Variants in MGAT4A observed in about 807,000 individuals in gnomAD.
The protein encoded by MGAT4A is alpha-1,3-mannosyl-glycoprotein 4-beta-N-acetylglucosaminyltransferase A.
MGAT4A carries 33 observed loss-of-function variants against 74.1 expected under a neutral mutation model. The observed-to-expected ratio is 0.45, with a 90% CI of 0.34 to 0.60. The LOEUF (loss-of-function observed/expected upper bound fraction) is 0.60, where lower values mean the gene tolerates loss of function less well. Ranked by LOEUF, MGAT4A falls within the 20% of genes least tolerant of loss-of-function variation. MGAT4A has a pLI of 0.02. For missense variants in MGAT4A, 479 were observed against 628.3 expected (o/e 0.76, Z 2.54); for synonymous variants, 198 against 210.4 (o/e 0.94, Z 0.51).
chr2:98,727,645 C>G (rs537868624), intron 1 of MGAT4A, among the ~76,000 whole-genome samples: 3 of 152,108 alleles, frequency 2.0e-5, no homozygotes, highest in Non-Finnish European at 4.4e-5. Context: ...CGAAAAATGG[C>G]CAGCAGTTCC....
chr2:98,644,180 A>G, intron 9 of MGAT4A, 127 bp from the exon 10 acceptor site: 2 of 967,660 alleles, frequency 2.1e-6, no homozygotes, highest in Non-Finnish European at 2.9e-6. Context: ...ATCATAAACA[A>G]TTTCCCCACT....
intron 4 of MGAT4A, among the ~76,000 whole-genome samples, chr2:98,674,179 A>C (rs936898841): frequency 6.6e-6 from 1 of 152,240 alleles, no homozygotes; most frequent in Non-Finnish European, 1.5e-5. Flanking sequence ...CAAAATACTT[A>C]AGAATCCCAT....
chr2:98,621,174 T>C lies in MGAT4A; in HGVS notation c.*4392A>G, dbSNP rs1701056072. On this transcript the variant is annotated 3_prime_UTR_variant, in exon 16 of 16. Transcript: ENST00000393487. The stretch of plus-strand genomic sequence containing the variant: ...CCACTGATTTATTATCTCATAGTTC[T>C]GTAGGTCAGAAGTCCAAGCAGGCTT... The C allele has an allele frequency of 2.5e-6, 1 of 404,252 alleles. No homozygotes were observed. Among genetic ancestry groups the C allele is most frequent in the South Asian group, 7.0e-5 (1 of 14,294 alleles). 25.0% of individuals were successfully genotyped at this position (404,252 alleles called of 1,614,324 possible). A position where few individuals can be genotyped will look rare whatever the true frequency, so the allele number is the denominator to read the frequency against.
intron 4 of MGAT4A, among the ~76,000 whole-genome samples, chr2:98,668,955 T>C (rs1701874510): frequency 6.6e-6 from 1 of 152,242 alleles, no homozygotes; most frequent in Admixed American, 6.5e-5. Context: ...ATTTACCCAA[T>C]GCCCGTACCC....
At chr2:98,641,499 C>CA (rs1205460540) in intron 10 of MGAT4A, among the ~76,000 whole-genome samples, 29,772 of 75,306 alleles carry the variant, frequency 0.4, 4,601 homozygotes, top group South Asian at 0.45. Context: ...ACTAAAAATA[C>CA]AAAAAAAAAA....
rs1425203771 is a variant in MGAT4A at position 98,678,244 on chromosome 2, A to AT, written c.262+59_262+60insA. 1.6e-3 allele frequency: 605 copies of AT among 382,110 alleles called. 6 individuals carry two copies. The highest frequency in any genetic ancestry group is 0.014 in the African/African-American group (571 of 40,570). 23.7% of individuals were successfully genotyped at this position (382,110 alleles called of 1,614,324 possible). ...GACTCTGTCTCAAAGAAAAAAAAAA[A>AT]AAAAAATATATATATATATATATAA... On this transcript the variant is annotated intron_variant, in intron 3 of 15. Transcript: ENST00000393487.
At chr2:98,694,410 T>C (rs1702238492) in intron 2 of MGAT4A, 1 of 153,434 alleles carries the variant, frequency 6.5e-6, no homozygotes, top group Non-Finnish European at 1.5e-5. Context: ...TCTTGGAATT[T>C]TGGGATAAGT....
chr2:98,659,418 C>A (rs1420740389), intron 5 of MGAT4A, among the ~76,000 whole-genome samples: 1 of 152,110 alleles, frequency 6.6e-6, no homozygotes, highest in African/African-American at 2.4e-5. Flanking sequence ...GCCCAAGGGA[C>A]AACCAGGCCA....
At chr2:98,692,062 T>A (rs1480390214) in intron 2 of MGAT4A, among the ~76,000 whole-genome samples, 2 of 152,216 alleles carry the variant, frequency 1.3e-5, no homozygotes, top group African/African-American at 4.8e-5. Flanking sequence ...AGTTGAAATT[T>A]TTTTAAGTTA....
chr2:98,665,044 CA>C (rs1244798409), intron 4 of MGAT4A, among the ~76,000 whole-genome samples: 1 of 151,952 alleles, frequency 6.6e-6, no homozygotes, highest in Non-Finnish European at 1.5e-5. Context: ...ATTCTAATGC[CA>C]GGGGCTGGGT....
chr2:98,718,614 C>T (rs553411775), intron 2 of MGAT4A, among the ~76,000 whole-genome samples: 1 of 152,330 alleles, frequency 6.6e-6, no homozygotes, highest in Admixed American at 6.5e-5. Flanking sequence ...TGCTCTCCAG[C>T]TCCAAGCTGC....
At chr2:98,662,937 C>G in intron 5 of MGAT4A, 109 bp downstream of exon 5, 1 of 812,086 alleles carries the variant, frequency 1.2e-6, no homozygotes, top group Non-Finnish European at 1.8e-6. Flanking sequence ...AAGCTTTACT[C>G]ATCACATTTT....
chr2:98,688,038 C>T (rs1291102527), intron 2 of MGAT4A, among the ~76,000 whole-genome samples: 1 of 152,194 alleles, frequency 6.6e-6, no homozygotes, highest in African/African-American at 2.4e-5. Flanking sequence ...GATGATGAGA[C>T]AGGTGAGGAT....
Position 98,663,412 on chromosome 2 carries a change from T to C in MGAT4A, c.404-233A>G, listed in dbSNP as rs1224690113. 4 of 1,501,730 alleles carry C rather than the reference T, an allele frequency of 2.7e-6. No homozygotes were observed. The African/African-American group carries it at 5.7e-5, about 21-fold the overall frequency. 93.0% of individuals were successfully genotyped at this position (1,501,730 alleles called of 1,614,324 possible). On this transcript the variant is annotated intron_variant, in intron 4 of 15. Transcript: ENST00000393487. Reference sequence around the variant, plus strand: ...AAGAACTGATAAAAATGAAAGACATTAAACTTCACACTAAAAAATGAATGG... The same window carrying C: ...AAGAACTGATAAAAATGAAAGACATCAAACTTCACACTAAAAAATGAATGG...
At chr2:98,681,708 C>A (rs759832091) in intron 2 of MGAT4A, among the ~76,000 whole-genome samples, 6 of 152,164 alleles carry the variant, frequency 3.9e-5, no homozygotes, top group Non-Finnish European at 7.3e-5. Flanking sequence ...ATAATCCCAG[C>A]ACTTTGGGAA....
Position 98,726,366 on chromosome 2 carries a change from T to C in MGAT4A, c.-34A>G, listed in dbSNP as rs778411077. On this transcript the variant is annotated 5_prime_UTR_variant, in exon 2 of 16. Coordinates refer to ENST00000393487, the MANE Select transcript of MGAT4A (RefSeq NM_012214.3). ...ACCATCACACTGGTCCATATGTTTA[T>C]GATGACAACAACCAGGACTGTTTTC... 3.2e-6 allele frequency: 5 copies of C among 1,576,236 alleles called. No individual in the cohort carries two copies. The highest frequency in any genetic ancestry group is 8.7e-7 in the Non-Finnish European group (1 of 1,147,494).
chr2:98,627,769 A>G (rs1213747826), intron 14 of MGAT4A, among the ~76,000 whole-genome samples: 1 of 152,246 alleles, frequency 6.6e-6, no homozygotes, highest in Non-Finnish European at 1.5e-5. Flanking sequence ...AAAAAACTGC[A>G]GTAAATCTCT....
chr2:98,709,618 C>T (rs1298869013), intron 2 of MGAT4A, among the ~76,000 whole-genome samples: 1 of 152,180 alleles, frequency 6.6e-6, no homozygotes. Flanking sequence ...ACATCCAGTT[C>T]AGGAGTATGA....
chr2:98,684,472 G>A (rs926437843), intron 2 of MGAT4A, among the ~76,000 whole-genome samples: 68 of 152,146 alleles, frequency 4.5e-4, no homozygotes, highest in African/African-American at 1.6e-3. Flanking sequence ...TGTACAAATT[G>A]TGTTTTGTGA....
Sources: allele counts gnomAD v4.1 joint callset (sites outside exome capture counted in the v4.1 genomes callset), GRCh38; gene constraint gnomAD v4.1.1; transcripts MANE v1.5; gene names NCBI Gene and HGNC (gene_info 2026-07-23, HGNC 2026-07-21).